CNTN4: variants seen among roughly 807,000 people sequenced by gnomAD.
The protein encoded by CNTN4 is contactin-4.
CNTN4 carries 77 observed loss-of-function variants against 122.5 expected under a neutral mutation model. That is an observed-to-expected ratio of 0.63 (90% CI 0.52 to 0.76). CNTN4 has a LOEUF of 0.76. Ranked by LOEUF, CNTN4 falls within the 30% of genes least tolerant of loss-of-function variation. CNTN4 has a pLI of 0.00. For missense variants in CNTN4, 1,256 were observed against 1,259.1 expected (o/e 1.00, Z 0.04); for synonymous variants, 512 against 447.0 (o/e 1.15, Z -1.83).
chr3:2,730,339 T>C (rs2088590359), intron 4 of CNTN4, among the ~76,000 whole-genome samples: 1 of 152,226 alleles, frequency 6.6e-6, no homozygotes, highest in Admixed American at 6.5e-5. Flanking sequence ...TATCTCATGT[T>C]GGCACTCAAA....
At chr3:2,359,841 A>G (rs1245262560) in intron 3 of CNTN4, among the ~76,000 whole-genome samples, 1 of 152,184 alleles carries the variant, frequency 6.6e-6, no homozygotes, top group Non-Finnish European at 1.5e-5. Context: ...ACCTGGCCGT[A>G]TATATGATTG....
intron 2 of CNTN4, among the ~76,000 whole-genome samples, chr3:2,256,928 G>GA (rs1310462994): frequency 6.6e-6 from 1 of 152,048 alleles, no homozygotes; most frequent in African/African-American, 2.4e-5. Context: ...CACATAAACA[G>GA]AAAAAACTGC....
chr3:2,308,188 G>A lies in CNTN4; in HGVS notation c.-144-30990G>A, dbSNP rs148141158. ...CTAAATTATCTAATTTGTTGATAAC[G>A]TAGTGGTTTATAGTAATTGCCTTAT... On this transcript the variant is annotated intron_variant, in intron 2 of 24. Coordinates refer to ENST00000418658, the MANE Select transcript of CNTN4 (RefSeq NM_175607.3). 3.2e-3 allele frequency among the ~76,000 whole-genome samples: 487 copies of A among 152,034 alleles called. 2 individuals carry two copies. Among genetic ancestry groups the A allele is most frequent in the African/African-American group, 0.011 (442 of 41,518 alleles).
rs375980772 is a variant in CNTN4, at chr3:2,946,420, T to C, written c.1358+20641T>C. On this transcript the variant is annotated intron_variant, in intron 13 of 24. Transcript: ENST00000418658. Reference sequence around the variant, plus strand: ...TCATGACATGTCTCATAATTAACTATTGACGTGTATATGCTCATGTAACGT... The same window carrying C: ...TCATGACATGTCTCATAATTAACTACTGACGTGTATATGCTCATGTAACGT... 2.2e-4 allele frequency among the ~76,000 whole-genome samples: 33 copies of C among 152,328 alleles called. 1 individual carries two copies. Among genetic ancestry groups the C allele is most frequent in the African/African-American group, 7.9e-4 (33 of 41,578 alleles).
intron 3 of CNTN4, among the ~76,000 whole-genome samples, chr3:2,552,942 A>G (rs2078572911): frequency 6.6e-6 from 1 of 152,150 alleles, no homozygotes; most frequent in Non-Finnish European, 1.5e-5. Context: ...AGTTTCTGTT[A>G]GTCTCTGTCA....
intron 6 of CNTN4, among the ~76,000 whole-genome samples, chr3:2,810,690 G>A (rs1307253845): frequency 1.3e-5 from 2 of 152,158 alleles, no homozygotes; most frequent in African/African-American, 4.8e-5. Flanking sequence ...ACTCCATACT[G>A]CTCTTACTTA....
At chr3:2,979,969 G>C in intron 13 of CNTN4, among the ~76,000 whole-genome samples, 1 of 152,096 alleles carries the variant, frequency 6.6e-6, no homozygotes, top group Non-Finnish European at 1.5e-5. Context: ...GAGTGAAGTT[G>C]GCAGCTTTCA....
chr3:2,913,437 T>C (rs1193247214), intron 12 of CNTN4, among the ~76,000 whole-genome samples: 1 of 152,188 alleles, frequency 6.6e-6, no homozygotes, highest in Non-Finnish European at 1.5e-5. Flanking sequence ...GATCTAGGGT[T>C]ACACGCAAGC....
intron 4 of CNTN4, among the ~76,000 whole-genome samples, chr3:2,715,151 GA>G (rs572938463): frequency 2.0e-5 from 3 of 152,032 alleles, no homozygotes; most frequent in Non-Finnish European, 2.9e-5. Context: ...ACCAGGAAAG[GA>G]ATCAATAATT....
chr3:2,152,820 C>T (rs2035554164), intron 2 of CNTN4, among the ~76,000 whole-genome samples: 2 of 152,092 alleles, frequency 1.3e-5, no homozygotes. Context: ...CGGAAATGTA[C>T]TCCCAGATCG....
intron 8 of CNTN4, among the ~76,000 whole-genome samples, chr3:2,882,239 A>C (rs1039293661): frequency 3.3e-5 from 5 of 152,072 alleles, no homozygotes; most frequent in Admixed American, 6.6e-5. Context: ...GTGGTGCACA[A>C]CTGTAGTCCT....
intron 3 of CNTN4, among the ~76,000 whole-genome samples, chr3:2,352,761 A>C (rs921913895): frequency 4.6e-5 from 7 of 152,214 alleles, no homozygotes; most frequent in Non-Finnish European, 8.8e-5. Flanking sequence ...CCAAGGGCTG[A>C]GGAGTGCAGG....
chr3:2,310,188 A>G (rs1321251570), intron 2 of CNTN4, among the ~76,000 whole-genome samples: 1 of 152,142 alleles, frequency 6.6e-6, no homozygotes, highest in African/African-American at 2.4e-5. Flanking sequence ...GTATTACAGC[A>G]ACAGACAAAT....
chr3:2,441,902 C>G (rs1434764394), intron 3 of CNTN4, among the ~76,000 whole-genome samples: 1 of 152,046 alleles, frequency 6.6e-6, no homozygotes, highest in African/African-American at 2.4e-5. Context: ...AAAATGTAAT[C>G]ATTGAAAAAA....
At chr3:2,258,658 G>A (rs965878370) in intron 2 of CNTN4, among the ~76,000 whole-genome samples, 2 of 152,032 alleles carry the variant, frequency 1.3e-5, no homozygotes, top group Non-Finnish European at 2.9e-5. Context: ...TGCAAATCCT[G>A]TATTCAATAA....
At chr3:2,818,320 T>C (rs1160010592) in intron 6 of CNTN4, among the ~76,000 whole-genome samples, 2 of 152,242 alleles carry the variant, frequency 1.3e-5, no homozygotes, top group Non-Finnish European at 2.9e-5. Flanking sequence ...TCCTTGAAAC[T>C]AAGCCTGAGT....
intron 3 of CNTN4, among the ~76,000 whole-genome samples, chr3:2,488,660 G>A (rs1331561609): frequency 1.3e-5 from 2 of 152,034 alleles, no homozygotes; most frequent in African/African-American, 2.4e-5. Context: ...ATATAAATTA[G>A]CCTATGATAA....
At chr3:2,738,130 T>C (rs946026588) in intron 5 of CNTN4, among the ~76,000 whole-genome samples, 4 of 152,116 alleles carry the variant, frequency 2.6e-5, no homozygotes, top group Non-Finnish European at 4.4e-5. Context: ...ATTGAAACTT[T>C]CAAGCCGTAG....
In CNTN4 at chr3:2,411,742, T is replaced by C. The variant is rs59913092; in HGVS notation, c.-89+72509T>C. 4.7e-3 allele frequency among the ~76,000 whole-genome samples: 715 copies of C among 152,346 alleles called. 8 individuals carry two copies. Among genetic ancestry groups the C allele is most frequent in the African/African-American group, 0.017 (699 of 41,592 alleles). On this transcript the variant is annotated intron_variant, in intron 3 of 24. Transcript: ENST00000418658. ...GTATTGAGTCACTTTATTCTTTGTG[T>C]CTTACTATGTAAGTTTCAAATTTTT...
Sources: gnomAD v4.1 joint callset for allele counts (sites outside exome capture counted in the v4.1 genomes callset) on GRCh38, gnomAD v4.1.1 for gene constraint, MANE v1.5 for transcripts, NCBI Gene and HGNC (gene_info 2026-07-23, HGNC 2026-07-21) for gene names.